SYNE1: variants seen among roughly 807,000 people sequenced by gnomAD.
SYNE1 encodes the protein spectrin repeat containing nuclear envelope protein 1.
Under a neutral mutation model 1,111.0 loss-of-function variants are expected in SYNE1, and 616 were observed. The observed-to-expected ratio is 0.55, with a 90% CI of 0.52 to 0.59. SYNE1 has a LOEUF of 0.59. SYNE1 is among the 20% of genes least tolerant of loss of function. The pLI, the probability that SYNE1 is intolerant of heterozygous loss-of-function variation, is 0.00. For synonymous variants in SYNE1, 3,855 were observed against 3,825.8 expected (o/e 1.01, Z -0.28); for missense variants, 10,006 against 10,417.0 (o/e 0.96, Z 1.72).
intron 16 of SYNE1, among the ~76,000 whole-genome samples, chr6:152,466,527 C>T (rs982320469): frequency 4.6e-5 from 7 of 152,070 alleles, no homozygotes; most frequent in African/African-American, 1.7e-4. Context: ...ACAAATGCTT[C>T]CCTTAAAATA....
rs765872936 is a variant in SYNE1, at chr6:152,413,458, C to T, written c.6124G>A (p.Ala2042Thr). 1 of 1,614,178 alleles carries T rather than the reference C, an allele frequency of 6.2e-7. No individual in the cohort carries two copies. The change falls in exon 42 of 146, where the codon GCC becomes ACC. Residue 2042 changes from alanine to threonine, a missense_variant. This residue lies in a region of SYNE1 where 4,955 missense variants were observed against 5,017.2 expected (regional missense o/e 0.99). Transcript: ENST00000367255. ...ACATCTTTCTGGGCAATTTGCTTGG[C>T]TTTGTCTTTCAACCAACATAGTTCA... ...EHELCWLKDK[A>T]KQIAQKDVAF...
chr6:152,337,045 G>T (rs757178013), intron 75 of SYNE1, 28 bp from the exon 76 acceptor site: 1 of 1,606,484 alleles, frequency 6.2e-7, no homozygotes, highest in Non-Finnish European at 8.5e-7. Context: ...ATAAAAGTTA[G>T]CAACCATACA....
At chr6:152,127,036 A>C (rs2053701370) in intron 145 of SYNE1, 1 of 152,162 alleles carries the variant, frequency 6.6e-6, no homozygotes, top group South Asian at 2.1e-4. Flanking sequence ...TTTGAAACCC[A>C]GTGTTTCCTG....
intron 73 of SYNE1, among the ~76,000 whole-genome samples, chr6:152,345,853 C>T (rs1422067545): frequency 6.6e-6 from 1 of 152,152 alleles, no homozygotes; most frequent in African/African-American, 2.4e-5. Context: ...ATTTCTAAAA[C>T]ATTAAGAATT....
chr6:152,359,550 A>T lies in SYNE1; in HGVS notation c.10300-92T>A, dbSNP rs557725661. 2.0e-5 allele frequency: 31 copies of T among 1,520,748 alleles called. No homozygotes were observed. The African/African-American group carries it at 3.2e-4, about 16-fold the overall frequency. 94.2% of individuals were successfully genotyped at this position (1,520,748 alleles called of 1,614,324 possible). The stretch of plus-strand genomic sequence containing the variant: ...TCAAGATATTTTAATTGTACAGTTG[A>T]CAAGTGACCTCAGGTTATTTATTCG... On this transcript the variant is annotated intron_variant, in intron 64 of 145. Transcript: ENST00000367255.
intron 91 of SYNE1, 133 bp from the exon 92 acceptor site, chr6:152,302,196 G>T (rs2095210886): frequency 8.3e-7 from 1 of 1,200,642 alleles, no homozygotes; most frequent in Non-Finnish European, 1.2e-6. Flanking sequence ...GGATGTGTAG[G>T]CGGCGAGTCC....
chr6:152,122,295 A>T lies in SYNE1; in HGVS notation c.*141T>A. On this transcript the variant is annotated 3_prime_UTR_variant, in exon 146 of 146. Coordinates refer to ENST00000367255, the MANE Select transcript of SYNE1 (RefSeq NM_182961.4). ...CCACCTCTGAAGCCATAATTTGCAC[A>T]CATGTGATCTGGAGGAGGGCTAAAG... 7.5e-7 allele frequency: 1 copy of T among 1,325,316 alleles called. No individual in the cohort carries two copies. Among genetic ancestry groups the T allele is most frequent in the East Asian group, 2.3e-5 (1 of 43,268 alleles). 82.1% of individuals were successfully genotyped at this position (1,325,316 alleles called of 1,614,324 possible).
Position 152,362,152 on chromosome 6 carries a change from C to A in SYNE1, c.10299+18G>T. The stretch of plus-strand genomic sequence containing the variant: ...AAGCCTGTGAGAAAACACATGGAAT[C>A]TGAAATCCAGCTCTCACCTTGGCTT... On this transcript the variant is annotated intron_variant, in intron 64 of 145. Transcript: ENST00000367255. The A allele has an allele frequency of 6.2e-7, 1 of 1,614,188 alleles. No homozygotes were observed. The highest frequency in any genetic ancestry group is 1.1e-5 in the South Asian group (1 of 91,082).
intron 28 of SYNE1, among the ~76,000 whole-genome samples, chr6:152,448,564 A>G (rs2098615292): frequency 6.6e-6 from 1 of 152,202 alleles, no homozygotes; most frequent in South Asian, 2.1e-4. Flanking sequence ...GAAATGGGCC[A>G]AGGGCAATAG....
chr6:152,331,269 A>T lies in SYNE1; in HGVS notation c.13416T>A (p.His4472Gln). The T allele has an allele frequency of 2.5e-6, 4 of 1,614,082 alleles. No individual in the cohort carries two copies. The highest frequency in any genetic ancestry group is 1.3e-5 in the African/African-American group (1 of 75,040). Residue 4472 changes from histidine (H) to glutamine (Q), a missense_variant, in exon 78 of 146, where the codon CAT (histidine) becomes CAA (glutamine). Physicochemically the swap from His to Gln is conservative, Grantham distance 24. This residue lies in a region of SYNE1 where 4,955 missense variants were observed against 5,017.2 expected (regional missense o/e 0.99). Transcript: ENST00000367255. ...GTTCACGGAACATTATCTTTCGCTC[A>T]TGTTGCTGAATTTGGCTGGTGGCCT... ...VFQATSQIQQHERKIMFREHI... is the reference protein window; with the variant it reads ...VFQATSQIQQQERKIMFREHI...
At chr6:152,159,606 A>G (rs1437152248) in intron 131 of SYNE1, among the ~76,000 whole-genome samples, 1 of 151,852 alleles carries the variant, frequency 6.6e-6, no homozygotes, top group East Asian at 1.9e-4. Context: ...TATTACTTCT[A>G]CCCTTTTTAA....
rs144953503 is a variant in SYNE1, at chr6:152,163,414, G to A, written c.23790+749C>T. Reference sequence around the variant, plus strand: ...CTTGGGAGGCTGAGGCAGGAGAATCGCTTAAACCTGGGAAGTGGAGGTTGC... The same window carrying A: ...CTTGGGAGGCTGAGGCAGGAGAATCACTTAAACCTGGGAAGTGGAGGTTGC... On this transcript the variant is annotated intron_variant, in intron 131 of 145. Coordinates refer to ENST00000367255, the MANE Select transcript of SYNE1 (RefSeq NM_182961.4). Among the ~76,000 whole-genome samples the A allele has an allele frequency of 2.4e-3, 356 of 150,480 alleles. 2 individuals carry two copies. Among genetic ancestry groups the A allele is most frequent in the African/African-American group, 8.3e-3 (341 of 40,904 alleles).
At chr6:152,456,106 G>C in intron 22 of SYNE1, 62 bp from the exon 23 acceptor site, 1 of 1,558,466 alleles carries the variant, frequency 6.4e-7, no homozygotes, top group Non-Finnish European at 8.7e-7. Flanking sequence ...GAGAAAGAAA[G>C]AGAGTGACCA....
At chr6:152,531,101 A>G (rs2099197982) in intron 4 of SYNE1, among the ~76,000 whole-genome samples, 1 of 152,200 alleles carries the variant, frequency 6.6e-6, no homozygotes, top group South Asian at 2.1e-4. Context: ...TTTACTTAAT[A>G]ATGACCACAA....
At position 152,416,493 on chromosome 6, in the gene SYNE1, C is replaced by T. The variant is rs1330881916; in HGVS notation, c.5944G>A (p.Ala1982Thr). The change falls in exon 41 of 146, where the codon GCA becomes ACA. Residue 1982 changes from alanine to threonine, a missense_variant. Ala to Thr is a moderately conservative substitution (Grantham distance 58). Around this residue, in one of 7 missense-constraint regions of SYNE1, gnomAD observed 4,955 missense variants for 5,017.2 expected, o/e 0.99. Transcript: ENST00000367255. ...AGCTCCTCTTTCTGGTCTTGGAATG[C>T]TTTTTTCAACACTGCCAGAGCATCT... ...EADALAVLKK[A>T]FQDQKEELLK... 3 of 1,613,974 alleles carry T rather than the reference C, an allele frequency of 1.9e-6. No individual in the cohort carries two copies. The highest frequency in any genetic ancestry group is 1.1e-5 in the South Asian group (1 of 91,088).
intron 3 of SYNE1, among the ~76,000 whole-genome samples, chr6:152,587,889 A>C (rs2099545798): frequency 6.6e-6 from 1 of 152,234 alleles, no homozygotes; most frequent in African/African-American, 2.4e-5. Flanking sequence ...CATGGAACTC[A>C]ACTACTATAA....
intron 16 of SYNE1, among the ~76,000 whole-genome samples, chr6:152,470,849 G>A (rs976867504): frequency 1.3e-5 from 2 of 152,134 alleles, no homozygotes; most frequent in African/African-American, 4.8e-5. Flanking sequence ...GAGCAAATTT[G>A]CATTGAAAAT....
chr6:152,429,340 A>G (rs994463563), intron 36 of SYNE1, among the ~76,000 whole-genome samples: 1 of 152,174 alleles, frequency 6.6e-6, no homozygotes, highest in Non-Finnish European at 1.5e-5. Context: ...TTAGTTGTCT[A>G]TAAAAATAAT....
At chr6:152,240,301 C>CAAAG (rs2085282586) in intron 107 of SYNE1, among the ~76,000 whole-genome samples, 1 of 151,846 alleles carries the variant, frequency 6.6e-6, no homozygotes, top group African/African-American at 2.4e-5. Flanking sequence ...TCAAAACAAA[C>CAAAG]AAACAAACAA....
Sources: gnomAD v4.1 joint callset for allele counts (sites outside exome capture counted in the v4.1 genomes callset) on GRCh38, gnomAD v4.1.1 for gene constraint, gnomAD v4.1.1 regional missense constraint, MANE v1.5 for transcripts, NCBI Gene and HGNC (gene_info 2026-07-23, HGNC 2026-07-21) for gene names.